PAQR5: variants seen among roughly 807,000 people sequenced by gnomAD.
PAQR5 encodes progestin and adipoQ receptor family member 5, also known as membrane progestin receptor gamma.
In PAQR5, 20 loss-of-function variants were observed where a neutral mutation model predicts 34.5. That is an observed-to-expected ratio of 0.58 (90% CI 0.41 to 0.84). PAQR5 has a LOEUF of 0.84. Among genes scored for constraint, PAQR5 ranks in the 40% least tolerant of loss-of-function variants. The pLI is 0.00. For synonymous variants in PAQR5, 131 were observed against 155.6 expected, an observed-to-expected ratio of 0.84 and a Z score of 1.18; for missense variants, 378 against 412.7, an observed-to-expected ratio of 0.92 and a Z score of 0.73.
At chr15:69,319,575 T>G (rs1292682068) in intron 1 of PAQR5, among the ~76,000 whole-genome samples, 1 of 151,932 alleles carries the variant, frequency 6.6e-6, no homozygotes, top group Non-Finnish European at 1.5e-5. Context: ...CGGCTCTGGG[T>G]TCTGACAAGC....
At chr15:69,301,075 C>T (rs2053595309) in intron 1 of PAQR5, among the ~76,000 whole-genome samples, 1 of 149,438 alleles carries the variant, frequency 6.7e-6, no homozygotes, top group South Asian at 2.1e-4. Flanking sequence ...GAGATCTCAG[C>T]TAACTGCAAC....
At chr15:69,399,250 A>G (rs1026926308) in intron 7 of PAQR5, among the ~76,000 whole-genome samples, 1 of 152,214 alleles carries the variant, frequency 6.6e-6, no homozygotes. Flanking sequence ...TGAATCCACT[A>G]AACAGTTGAC....
chr15:69,369,849 G>C (rs922998901), intron 3 of PAQR5, among the ~76,000 whole-genome samples: 5 of 151,620 alleles, frequency 3.3e-5, no homozygotes, highest in Non-Finnish European at 7.4e-5. Flanking sequence ...TATTGGCAAA[G>C]TCTCGTATTA....
rs1396923125 is a variant in PAQR5, at chr15:69,300,859, TTC to T, written c.-277+1805_-277+1806del. Among the ~76,000 whole-genome samples, 136 of 18,894 alleles carry T rather than the reference TTC, an allele frequency of 7.2e-3. 36 individuals are homozygous for T. The highest frequency in any genetic ancestry group is 0.013 in the Non-Finnish European group (104 of 8,008). 12.4% of individuals were successfully genotyped at this position (18,894 alleles called of 152,430 possible). On this transcript the variant is annotated intron_variant, in intron 1 of 8. Coordinates refer to ENST00000395407, the MANE Select transcript of PAQR5 (RefSeq NM_017705.4). ...TAGTTCGTTTTCTTTCTTTCTTTCT[TTC>T]TTTCTTTCTTTCTTTCTTTCTTTCT...
Position 69,379,999 on chromosome 15 carries a change from GCTGCC to G in PAQR5, c.171_175del (p.Pro58LeufsTer19), listed in dbSNP as rs760966940. The stretch of plus-strand genomic sequence containing the variant: ...AGACTCTCAACATTTGGACTCACTT[GCTGCC>G]CTTCTGGTACCTTCTGGCCCCCTCG... On this transcript the variant is annotated frameshift_variant, in exon 4 of 9. Coordinates refer to ENST00000395407, the MANE Select transcript of PAQR5 (RefSeq NM_017705.4). LOFTEE classifies it high-confidence loss of function. 62 of 1,614,164 alleles carry G rather than the reference GCTGCC, an allele frequency of 3.8e-5. No individual in the cohort carries two copies. The highest frequency in any genetic ancestry group is 5.0e-5 in the Non-Finnish European group (59 of 1,180,016).
At chr15:69,300,330 A>G (rs1417012625) in intron 1 of PAQR5, among the ~76,000 whole-genome samples, 2 of 152,150 alleles carry the variant, frequency 1.3e-5, no homozygotes, top group African/African-American at 4.8e-5. Context: ...CTGCCGTAGC[A>G]ATAGTACCTG....
At chr15:69,309,007 C>G (rs1044841941) in intron 1 of PAQR5, among the ~76,000 whole-genome samples, 1 of 152,136 alleles carries the variant, frequency 6.6e-6, no homozygotes, top group African/African-American at 2.4e-5. Flanking sequence ...CAACTAGAAG[C>G]TGGTGAATTA....
intron 3 of PAQR5, among the ~76,000 whole-genome samples, chr15:69,377,081 C>T (rs2140906762): frequency 6.6e-6 from 1 of 152,324 alleles, no homozygotes; most frequent in Middle Eastern, 3.4e-3. Flanking sequence ...CACAAAGTCT[C>T]TTGGTTTATA....
intron 5 of PAQR5, 53 bp from the exon 6 acceptor site, chr15:69,389,601 C>T: frequency 6.2e-7 from 1 of 1,610,222 alleles, no homozygotes; most frequent in Non-Finnish European, 8.5e-7. Context: ...TGCAAGGGGC[C>T]CATGTGGTGC....
At chr15:69,395,812 T>C (rs1201701975) in intron 6 of PAQR5, among the ~76,000 whole-genome samples, 2 of 152,040 alleles carry the variant, frequency 1.3e-5, no homozygotes, top group Non-Finnish European at 2.9e-5. Context: ...TTCCTTCTCC[T>C]TGAGCTTCTC....
In PAQR5 at chr15:69,380,219, A is replaced by G. The variant is rs1181355055; in HGVS notation, c.179+209A>G. The G allele has an allele frequency of 5.6e-6, 3 of 533,856 alleles. No individual in the cohort carries two copies. The African/African-American group carries it at 5.7e-5, about 10-fold the overall frequency. 33.1% of individuals were successfully genotyped at this position (533,856 alleles called of 1,614,324 possible). On this transcript the variant is annotated intron_variant, in intron 4 of 8. Coordinates refer to ENST00000395407, the MANE Select transcript of PAQR5 (RefSeq NM_017705.4). The stretch of plus-strand genomic sequence containing the variant: ...TGACCTTTAAGGCATGGACTGGGGT[A>G]AGATTTGAGGGGAAATCCCAAAAGT...
chr15:69,360,641 C>T (rs1179558852), intron 3 of PAQR5, among the ~76,000 whole-genome samples: 2 of 152,180 alleles, frequency 1.3e-5, no homozygotes, highest in Non-Finnish European at 2.9e-5. Context: ...GGCAGGTACC[C>T]TGAAATATGT....
intron 1 of PAQR5, among the ~76,000 whole-genome samples, chr15:69,317,220 C>T (rs981057879): frequency 6.6e-6 from 1 of 152,192 alleles, no homozygotes; most frequent in Non-Finnish European, 1.5e-5. Context: ...AGAGGGGCTT[C>T]GGGACTCAAA....
At chr15:69,300,626 T>TC (rs1566985282) in intron 1 of PAQR5, among the ~76,000 whole-genome samples, 3 of 50,300 alleles carry the variant, frequency 6.0e-5, no homozygotes, top group Non-Finnish European at 8.9e-5. Flanking sequence ...TCTTTCTTTC[T>TC]TTCTTTCTTT....
chr15:69,390,047 ACT>A (rs2056213950), intron 6 of PAQR5, among the ~76,000 whole-genome samples: 1 of 151,974 alleles, frequency 6.6e-6, no homozygotes, highest in African/African-American at 2.4e-5. Context: ...ACAAAGTCTC[ACT>A]CTGTCACCCA....
At chr15:69,335,256 T>A (rs79849809) in intron 1 of PAQR5, among the ~76,000 whole-genome samples, 4,545 of 150,606 alleles carry the variant, frequency 0.03, 173 homozygotes, top group East Asian at 0.14. Context: ...CTTTTTTTTT[T>A]TTTTTTGAAA....
At chr15:69,306,303 C>A (rs1024726435) in intron 1 of PAQR5, among the ~76,000 whole-genome samples, 1 of 151,148 alleles carries the variant, frequency 6.6e-6, no homozygotes, top group Non-Finnish European at 1.5e-5. Context: ...TTTGTTGTTA[C>A]CTTTTGTTAT....
intron 1 of PAQR5, among the ~76,000 whole-genome samples, chr15:69,309,644 A>G (rs1261749691): frequency 6.6e-6 from 1 of 152,088 alleles, no homozygotes; most frequent in Admixed American, 6.6e-5. Flanking sequence ...GTTAGAAAAG[A>G]CGTATACAGA....
intron 7 of PAQR5, 70 bp from the exon 8 acceptor site, chr15:69,399,904 T>C (rs1416574478): frequency 6.6e-7 from 1 of 1,504,070 alleles, no homozygotes; most frequent in Non-Finnish European, 9.0e-7. Flanking sequence ...CAGATGCAGG[T>C]GCTGAGAAGG....
Sources: gnomAD v4.1 joint callset for allele counts (sites outside exome capture counted in the v4.1 genomes callset) on GRCh38, gnomAD v4.1.1 for gene constraint, MANE v1.5 for transcripts, NCBI Gene and HGNC (gene_info 2026-07-23, HGNC 2026-07-21) for gene names.